PALM2AKAP2: variants seen among roughly 807,000 people sequenced by gnomAD.
The protein encoded by PALM2AKAP2 is PALM2 and AKAP2 fusion.
In PALM2AKAP2, 37 loss-of-function variants were observed where a neutral mutation model predicts 71.5. That is an observed-to-expected ratio of 0.52 (90% CI 0.40 to 0.68). The LOEUF is 0.68. PALM2AKAP2 is among the 30% of genes least tolerant of loss of function. PALM2AKAP2 has a pLI of 0.00. For synonymous variants in PALM2AKAP2, 468 were observed against 478.8 expected (o/e 0.98, Z 0.29); for missense variants, 1,224 against 1,191.8 (o/e 1.03, Z -0.40).
intron 1 of PALM2AKAP2, among the ~76,000 whole-genome samples, chr9:109,756,302 C>T (rs901316042): frequency 3.3e-5 from 5 of 152,130 alleles, no homozygotes; most frequent in African/African-American, 1.2e-4. Context: ...ACATTTCTCT[C>T]GTGTCTGTTT....
At chr9:109,913,556 A>AT (rs994758031) in intron 3 of PALM2AKAP2, among the ~76,000 whole-genome samples, 6 of 151,026 alleles carry the variant, frequency 4.0e-5, no homozygotes, top group Non-Finnish European at 8.9e-5. Flanking sequence ...GCAATTGCTC[A>AT]TTTTTTTTTC....
chr9:110,131,933 A>T (rs1835743081), intron 1 of PALM2AKAP2, among the ~76,000 whole-genome samples: 2 of 152,180 alleles, frequency 1.3e-5, no homozygotes. Context: ...TTTCCTGTTT[A>T]CACCCTCCAG....
intron 1 of PALM2AKAP2, among the ~76,000 whole-genome samples, chr9:109,669,915 CT>C (rs896276666): frequency 6.6e-6 from 1 of 151,028 alleles, no homozygotes; most frequent in South Asian, 2.1e-4. Context: ...CATTTTCATT[CT>C]TTTTTTTATT....
chr9:109,883,156 G>C lies in PALM2AKAP2; in HGVS notation c.257+2475G>C, dbSNP rs375949905. On this transcript the variant is annotated intron_variant, in intron 3 of 9. Transcript: ENST00000302798. ...TGACCATTGGAAGGAGGTGTTGTGG[G>C]TTAGGGGCTGGTTTATTATTCAGGT... 2.4e-4 allele frequency among the ~76,000 whole-genome samples: 36 copies of C among 152,272 alleles called. No homozygotes were observed. In the South Asian group the frequency reaches 7.5e-3, roughly 32 times the overall value.
chr9:109,776,072 G>A (rs780100561), upstream of PALM2AKAP2, among the ~76,000 whole-genome samples: 10 of 152,050 alleles, frequency 6.6e-5, no homozygotes, highest in Non-Finnish European at 1.0e-4. Context: ...ATGTTTGGAG[G>A]GCAAATAGTC....
chr9:109,969,022 G>T (rs1196186585), intron 6 of PALM2AKAP2, among the ~76,000 whole-genome samples: 1 of 151,884 alleles, frequency 6.6e-6, no homozygotes, highest in Non-Finnish European at 1.5e-5. Context: ...CAGAACAGCT[G>T]CAGGAATGTA....
intron 1 of PALM2AKAP2, among the ~76,000 whole-genome samples, chr9:109,675,046 C>G (rs1229317164): frequency 6.6e-6 from 1 of 151,916 alleles, no homozygotes; most frequent in South Asian, 2.1e-4. Flanking sequence ...TGATTTTGCC[C>G]AAATGTAGGC....
intron 3 of PALM2AKAP2, among the ~76,000 whole-genome samples, chr9:109,910,680 T>A (rs756252125): frequency 9.2e-5 from 14 of 151,702 alleles, no homozygotes; most frequent in Admixed American, 5.9e-4. Context: ...CAGCAGGGCA[T>A]GAGGGCAGAG....
intron 1 of PALM2AKAP2, among the ~76,000 whole-genome samples, chr9:110,053,669 GGAGGCA>G (rs2132515896): frequency 6.6e-6 from 1 of 152,324 alleles, no homozygotes; most frequent in East Asian, 1.9e-4. Context: ...GGTGCCCTGT[GGAGGCA>G]GAATGCTGCT....
At chr9:109,771,682 C>T (rs748982120) in intron 1 of PALM2AKAP2, among the ~76,000 whole-genome samples, 45 of 152,166 alleles carry the variant, frequency 3.0e-4, no homozygotes, top group Non-Finnish European at 5.1e-4. Context: ...GACTTGTCCA[C>T]TGACAGAAAA....
At position 109,728,590 on chromosome 9, in the gene PALM2AKAP2, G is replaced by A. The variant is rs148109553; in HGVS notation, c.6-51898G>A. Among the ~76,000 whole-genome samples the A allele has an allele frequency of 1.1e-4, 16 of 152,224 alleles. No homozygotes were observed. The East Asian group carries it at 3.1e-3, about 29-fold the overall frequency. On this transcript the variant is annotated intron_variant, in intron 1 of 6. Coordinates refer to the PALM2AKAP2 transcript ENST00000374531. ...CCCAACCCTTTTCACTTAAGCTTTG[G>A]GTGTTAGTTCTTCTTTAATATGTAC...
intron 1 of PALM2AKAP2, among the ~76,000 whole-genome samples, chr9:109,727,830 C>G (rs1010992959): frequency 6.6e-6 from 1 of 152,186 alleles, no homozygotes; most frequent in African/African-American, 2.4e-5. Context: ...GCAATGCATT[C>G]CTTGCTACGG....
chr9:110,156,597 G>A, intron 3 of PALM2AKAP2, 100 bp downstream of exon 9: 4 of 1,396,110 alleles, frequency 2.9e-6, no homozygotes, highest in Non-Finnish European at 2.8e-6. Context: ...TCGTTGTCTG[G>A]TCAGCATTAG....
chr9:109,727,580 A>C (rs191262623), intron 1 of PALM2AKAP2, among the ~76,000 whole-genome samples: 2 of 152,228 alleles, frequency 1.3e-5, no homozygotes, highest in African/African-American at 4.8e-5. Context: ...TAGAGATGAC[A>C]ATAATCAAGA....
intron 6 of PALM2AKAP2, among the ~76,000 whole-genome samples, chr9:109,967,567 A>G (rs2132139175): frequency 6.6e-6 from 1 of 152,004 alleles, no homozygotes; most frequent in African/African-American, 2.4e-5. Context: ...GCGCCACCAC[A>G]CCCAGCTAAT....
chr9:109,733,200 A>G (rs946944977), intron 1 of PALM2AKAP2, among the ~76,000 whole-genome samples: 32 of 152,240 alleles, frequency 2.1e-4, no homozygotes, highest in Non-Finnish European at 4.0e-4. Context: ...CATCCTGGAA[A>G]GGGGTTGAGG....
At chr9:109,714,534 T>C (rs534639114) in intron 1 of PALM2AKAP2, among the ~76,000 whole-genome samples, 1 of 152,146 alleles carries the variant, frequency 6.6e-6, no homozygotes, top group Non-Finnish European at 1.5e-5. Context: ...AACCTCTGTT[T>C]CCAACCATCC....
intron 1 of PALM2AKAP2, among the ~76,000 whole-genome samples, chr9:109,854,375 G>A (rs1463324047): frequency 1.3e-5 from 2 of 152,212 alleles, no homozygotes; most frequent in African/African-American, 4.8e-5. Context: ...CCTATTCCGA[G>A]CCTCTCAGAA....
At chr9:109,956,114 C>T (rs1247336412) in intron 6 of PALM2AKAP2, among the ~76,000 whole-genome samples, 1 of 151,604 alleles carries the variant, frequency 6.6e-6, no homozygotes, top group Non-Finnish European at 1.5e-5. Context: ...AAGCGATTCT[C>T]TTGCCTTGGC....
Sources: allele counts gnomAD v4.1 joint callset (sites outside exome capture counted in the v4.1 genomes callset), GRCh38; gene constraint gnomAD v4.1.1; transcripts MANE v1.5; gene names NCBI Gene and HGNC (gene_info 2026-07-23, HGNC 2026-07-21).